UNC5C: variants seen among roughly 807,000 people sequenced by gnomAD.
UNC5C encodes the protein unc-5 netrin receptor C.
In UNC5C, 47 loss-of-function variants were observed where a neutral mutation model predicts 99.8. That is an observed-to-expected ratio of 0.47 (90% CI 0.37 to 0.60). The LOEUF is 0.60. Among genes scored for constraint, UNC5C ranks in the 20% least tolerant of loss-of-function variants. The probability of loss-of-function intolerance (pLI) is 0.00; values close to 1 mark genes in which losing one functional copy is unlikely to be tolerated. For synonymous variants in UNC5C, 487 were observed against 452.2 expected, an observed-to-expected ratio of 1.08 and a Z score of -0.98; for missense variants, 1,062 against 1,165.9, an observed-to-expected ratio of 0.91 and a Z score of 1.30.
chr4:95,465,861 G>A lies in UNC5C; in HGVS notation c.124+82873C>T, dbSNP rs78142772. Among the ~76,000 whole-genome samples the A allele has an allele frequency of 4.2e-3, 639 of 152,124 alleles. 8 individuals carry two copies. The East Asian group carries it at 0.058, about 14-fold the overall frequency. ...CTTTCTCCTTTCTGCACTCCTGCCCGGGCCTTGGAACATGTTTTCTATCTT... is the reference window on the plus strand; with the variant it reads ...CTTTCTCCTTTCTGCACTCCTGCCCAGGCCTTGGAACATGTTTTCTATCTT... On this transcript the variant is annotated intron_variant, in intron 1 of 15. Coordinates refer to ENST00000453304, the MANE Select transcript of UNC5C (RefSeq NM_003728.4).
At chr4:95,439,627 T>C (rs1210763152) in intron 1 of UNC5C, among the ~76,000 whole-genome samples, 3 of 152,164 alleles carry the variant, frequency 2.0e-5, no homozygotes, top group Non-Finnish European at 4.4e-5. Context: ...TTTGATTGTA[T>C]AAAAAGCATC....
intron 3 of UNC5C, among the ~76,000 whole-genome samples, chr4:95,298,461 C>G (rs1461573145): frequency 1.3e-5 from 2 of 152,206 alleles, no homozygotes; most frequent in Admixed American, 1.3e-4. Flanking sequence ...ATTCTAGCCA[C>G]TCTGGCCTCA....
chr4:95,199,953 A>G (rs1382584279), intron 12 of UNC5C, among the ~76,000 whole-genome samples: 1 of 152,200 alleles, frequency 6.6e-6, no homozygotes, highest in East Asian at 1.9e-4. Flanking sequence ...TGTGTTCACA[A>G]CTTTTATTCG....
intron 1 of UNC5C, among the ~76,000 whole-genome samples, chr4:95,339,099 CTTAG>C (rs562122874): frequency 4.1e-4 from 62 of 152,128 alleles, no homozygotes; most frequent in African/African-American, 1.0e-3. Flanking sequence ...CATTTTGGAA[CTTAG>C]TTTGTTTTCC....
chr4:95,495,402 T>C (rs934263527), intron 1 of UNC5C, among the ~76,000 whole-genome samples: 4 of 151,512 alleles, frequency 2.6e-5, no homozygotes, highest in Non-Finnish European at 5.9e-5. Flanking sequence ...GGGAAAGAGA[T>C]TGTCAGTTTC....
At chr4:95,468,136 T>A (rs866544819) in intron 1 of UNC5C, among the ~76,000 whole-genome samples, 23 of 151,564 alleles carry the variant, frequency 1.5e-4, no homozygotes, top group African/African-American at 5.6e-4. Context: ...GGGTTTTTTT[T>A]TTTTTTGTTT....
rs1293419634 is a variant in UNC5C at position 95,255,453 on chromosome 4, CT to C, written c.595-4787del. 2.6e-5 allele frequency among the ~76,000 whole-genome samples: 4 copies of C among 152,156 alleles called. No individual in the cohort carries two copies. In the East Asian group the frequency reaches 7.7e-4, roughly 29 times the overall value. On this transcript the variant is annotated intron_variant, in intron 4 of 15. Transcript: ENST00000453304. ...GATAACTATTTCACACTCCTCTCCA[CT>C]ACCTCCCCTTCTAGCCTCACTTTCA...
At chr4:95,482,479 T>C (rs1721189456) in intron 1 of UNC5C, among the ~76,000 whole-genome samples, 1 of 148,662 alleles carries the variant, frequency 6.7e-6, no homozygotes, top group African/African-American at 2.5e-5. Context: ...GAACTAGAAA[T>C]ACCATTTGAC....
chr4:95,401,769 G>A (rs887613219), intron 1 of UNC5C, among the ~76,000 whole-genome samples: 8 of 152,204 alleles, frequency 5.3e-5, no homozygotes, highest in Non-Finnish European at 1.2e-4. Context: ...CAGTGGATCC[G>A]AGCAGAGTTG....
At chr4:95,236,490 A>G (rs923173879) in intron 7 of UNC5C, among the ~76,000 whole-genome samples, 6 of 151,856 alleles carry the variant, frequency 4.0e-5, no homozygotes, top group African/African-American at 1.5e-4. Flanking sequence ...GTAAATGACG[A>G]GTTAATGGGT....
chr4:95,496,851 C>A (rs1181427678), intron 1 of UNC5C, among the ~76,000 whole-genome samples: 2 of 151,722 alleles, frequency 1.3e-5, no homozygotes, highest in African/African-American at 2.4e-5. Context: ...ATCTTCCCCT[C>A]CCACCCACCA....
chr4:95,524,587 C>G (rs1419964837), intron 1 of UNC5C, among the ~76,000 whole-genome samples: 6 of 152,164 alleles, frequency 3.9e-5, no homozygotes, highest in African/African-American at 1.4e-4. Flanking sequence ...CAGTGAGAAC[C>G]TGGAGTCTTT....
At chr4:95,399,270 C>G (rs1013431315) in intron 1 of UNC5C, among the ~76,000 whole-genome samples, 1 of 152,080 alleles carries the variant, frequency 6.6e-6, no homozygotes, top group Admixed American at 6.5e-5. Context: ...TGATTAAATA[C>G]CAATTACTTT....
rs780726697 is a variant in UNC5C at position 95,170,181 on chromosome 4, A to G, written c.2603T>C (p.Met868Thr). The change falls in exon 15 of 16, where the codon ATG (methionine) becomes ACG (threonine). Residue 868 changes from methionine to threonine, a missense_variant. By Grantham distance (81) the Met-to-Thr change is moderately conservative. Transcript: ENST00000453304. ...APQTRGHDWR[M>T]LAHKLNLDRY... ...GTCCAGGTTCAGCTTATGGGCCAGC[A>G]TCCTCCAGTCATGGCCTCTCGTCTG... 6 of 1,614,052 alleles carry G rather than the reference A, an allele frequency of 3.7e-6. No individual in the cohort carries two copies. In the South Asian group the frequency reaches 5.5e-5, roughly 15 times the overall value.
chr4:95,478,851 T>C (rs1721042688), intron 1 of UNC5C, among the ~76,000 whole-genome samples: 1 of 151,866 alleles, frequency 6.6e-6, no homozygotes, highest in Non-Finnish European at 1.5e-5. Flanking sequence ...CTCTCATCAA[T>C]GGCTTGATGC....
intron 11 of UNC5C, among the ~76,000 whole-genome samples, chr4:95,205,174 T>A (rs1020799080): frequency 1.3e-5 from 2 of 152,196 alleles, no homozygotes; most frequent in African/African-American, 2.4e-5. Context: ...GACTGTCCTC[T>A]TCTACTTCCC....
chr4:95,249,647 T>A (rs1739622168), intron 5 of UNC5C, among the ~76,000 whole-genome samples: 2 of 152,254 alleles, frequency 1.3e-5, no homozygotes, highest in Non-Finnish European at 2.9e-5. Context: ...CACAGGGAGA[T>A]AAAAGCATAT....
At chr4:95,292,952 C>T (rs1212602798) in intron 3 of UNC5C, among the ~76,000 whole-genome samples, 1 of 152,062 alleles carries the variant, frequency 6.6e-6, no homozygotes, top group African/African-American at 2.4e-5. Context: ...AGATGGTTAA[C>T]TCAAAAGAAA....
intron 10 of UNC5C, among the ~76,000 whole-genome samples, chr4:95,211,562 G>A (rs78413699): frequency 0.11 from 16,065 of 152,060 alleles, 1,102 homozygotes; most frequent in African/African-American, 0.19. Flanking sequence ...AAAATAATTG[G>A]GTTTCTTCTG....
Sources: allele counts gnomAD v4.1 joint callset (sites outside exome capture counted in the v4.1 genomes callset), GRCh38; gene constraint gnomAD v4.1.1; transcripts MANE v1.5; gene names NCBI Gene and HGNC (gene_info 2026-07-23, HGNC 2026-07-21).